SPACA7: variants seen among roughly 807,000 people sequenced by gnomAD.
SPACA7 encodes sperm acrosome-associated protein 7.
In SPACA7, 19 loss-of-function variants were observed where a neutral mutation model predicts 26.3. That is an observed-to-expected ratio of 0.72 (90% CI 0.50 to 1.06). The LOEUF is 1.06. SPACA7 is among the 50% of genes least tolerant of loss of function. The pLI is 0.00. For synonymous variants in SPACA7, 84 were observed against 84.5 expected (o/e 0.99, Z 0.04); for missense variants, 211 against 229.9 (o/e 0.92, Z 0.53).
rs779002404 is a variant in SPACA7 at position 112,398,066 on chromosome 13, G to A, written c.169G>A (p.Glu57Lys). The change falls in exon 3 of 7, where the codon GAG becomes AAG. Residue 57 changes from glutamate (E) to lysine (K), a missense_variant. Physicochemically the swap from Glu to Lys is moderately conservative, Grantham distance 56. Transcript: ENST00000283550. ...CTCCCAAGATGAAATTCTGGTCCAG[G>A]AGATTTTAGATCTGAATAAAACAAC... is the stretch of plus-strand genomic sequence containing the variant. ...SELLDEILVQ[E>K]ILDLNKTTPS... The A allele has an allele frequency of 7.4e-6, 12 of 1,613,024 alleles. No individual in the cohort carries two copies. Among genetic ancestry groups the A allele is most frequent in the African/African-American group, 1.3e-5 (1 of 74,880 alleles).
intron 5 of SPACA7, among the ~76,000 whole-genome samples, chr13:112,429,862 TAA>T (rs1439596479): frequency 6.6e-6 from 1 of 152,226 alleles, no homozygotes; most frequent in African/African-American, 2.4e-5. Context: ...TAAGTTACTT[TAA>T]AGCAGTTTGG....
intron 5 of SPACA7, among the ~76,000 whole-genome samples, chr13:112,425,237 A>G (rs1876420421): frequency 6.6e-6 from 1 of 152,218 alleles, no homozygotes; most frequent in South Asian, 2.1e-4. Flanking sequence ...ATAGAAACAG[A>G]TGTGAGTCAG....
intron 6 of SPACA7, among the ~76,000 whole-genome samples, chr13:112,434,252 C>T (rs769390929): frequency 4.6e-5 from 7 of 152,100 alleles, no homozygotes; most frequent in Non-Finnish European, 7.4e-5. Flanking sequence ...AGGGAGAACG[C>T]GGGGGAAATG....
At chr13:112,424,263 T>C (rs2139056748) in intron 5 of SPACA7, among the ~76,000 whole-genome samples, 1 of 152,342 alleles carries the variant, frequency 6.6e-6, no homozygotes, top group East Asian at 1.9e-4. Context: ...GATGCTGCGT[T>C]GGGAGCATGA....
rs200369214 is a variant in SPACA7, at chr13:112,393,070, A to C, written c.144A>C (p.Glu48Asp). 6.2e-7 allele frequency: 1 copy of C among 1,612,816 alleles called. No homozygotes were observed. The highest frequency in any genetic ancestry group is 2.2e-5 in the East Asian group (1 of 44,874). Reference sequence around the variant, plus strand: ...GTTCAAAACAGGAGGATATGTCTGAATTATTAGGTAAGGAAGCCCCTCCTA... The same window carrying C: ...GTTCAAAACAGGAGGATATGTCTGACTTATTAGGTAAGGAAGCCCCTCCTA... Reference protein sequence around the residue: ...PFSSKQEDMSELLDEILVQEI... With the variant: ...PFSSKQEDMSDLLDEILVQEI... Residue 48 changes from glutamate to aspartate, a missense_variant, in exon 2 of 7, where the codon GAA (glutamate) becomes GAC (aspartate). Transcript: ENST00000283550.
intron 1 of SPACA7, among the ~76,000 whole-genome samples, chr13:112,390,285 A>G (rs1014424701): frequency 6.6e-6 from 1 of 152,070 alleles, no homozygotes; most frequent in Non-Finnish European, 1.5e-5. Flanking sequence ...GGCCATGGCC[A>G]CTCTGTATGG....
intron 1 of SPACA7, 123 bp from the exon 2 acceptor site, chr13:112,392,898 T>A: frequency 1.5e-6 from 1 of 667,354 alleles, no homozygotes; most frequent in East Asian, 2.8e-5. Context: ...AGACTGGAAC[T>A]TGGGCAGGGC....
intron 5 of SPACA7, among the ~76,000 whole-genome samples, chr13:112,423,874 T>C (rs983655085): frequency 2.0e-5 from 3 of 152,152 alleles, no homozygotes; most frequent in African/African-American, 4.8e-5. Flanking sequence ...CAGAAAACAA[T>C]AGAAGTCAAA....
At chr13:112,384,711 A>C (rs1884418301) in intron 1 of SPACA7, among the ~76,000 whole-genome samples, 1 of 152,200 alleles carries the variant, frequency 6.6e-6, no homozygotes, top group Non-Finnish European at 1.5e-5. Flanking sequence ...GATAGAGGAC[A>C]CTTAGCTTTC....
chr13:112,411,185 T>C (rs1013398559), intron 5 of SPACA7, among the ~76,000 whole-genome samples: 6 of 151,956 alleles, frequency 3.9e-5, no homozygotes, highest in African/African-American at 1.5e-4. Context: ...AAAAAAAAAT[T>C]GGGGTATTTA....
chr13:112,381,744 CTGA>C (rs1323585711), intron 1 of SPACA7, among the ~76,000 whole-genome samples: 1 of 152,104 alleles, frequency 6.6e-6, no homozygotes, highest in Non-Finnish European at 1.5e-5. Flanking sequence ...AGAGTGCTGA[CTGA>C]TCAGGGATGA....
chr13:112,413,390 T>C (rs924520614), intron 5 of SPACA7, among the ~76,000 whole-genome samples: 7 of 149,976 alleles, frequency 4.7e-5, no homozygotes, highest in African/African-American at 1.5e-4. Flanking sequence ...CCTTTAGCAC[T>C]TTAAATATGT....
At chr13:112,404,970 A>ATTCTCTTC (rs1940073595) in intron 5 of SPACA7, among the ~76,000 whole-genome samples, 1 of 106,888 alleles carries the variant, frequency 9.4e-6, no homozygotes, top group Non-Finnish European at 1.9e-5. Context: ...GCTCCATTGT[A>ATTCTCTTC]TTCTCTTCTT....
chr13:112,402,521 G>GAT (rs1470848881), intron 5 of SPACA7, among the ~76,000 whole-genome samples: 2 of 152,118 alleles, frequency 1.3e-5, no homozygotes, highest in Admixed American at 6.5e-5. Context: ...GCATCTCATT[G>GAT]ATGTCCCTTG....
chr13:112,376,647 A>T (rs1883719061), intron 1 of SPACA7, among the ~76,000 whole-genome samples, 168 bp downstream of exon 1: 1 of 152,228 alleles, frequency 6.6e-6, no homozygotes, highest in Non-Finnish European at 1.5e-5. Context: ...GACTTTTTAA[A>T]ATCTAGATGT....
At chr13:112,389,180 T>C (rs1884719996) in intron 1 of SPACA7, among the ~76,000 whole-genome samples, 1 of 152,264 alleles carries the variant, frequency 6.6e-6, no homozygotes, top group African/African-American at 2.4e-5. Flanking sequence ...CTATAAACTA[T>C]GAACCTTCTC....
At chr13:112,428,485 C>T (rs749659466) in intron 5 of SPACA7, among the ~76,000 whole-genome samples, 16 of 152,238 alleles carry the variant, frequency 1.1e-4, no homozygotes, top group Middle Eastern at 3.4e-3. Context: ...GAGGCTGAGG[C>T]AGGAGAATCA....
At chr13:112,421,653 T>A (rs1201995313) in intron 5 of SPACA7, among the ~76,000 whole-genome samples, 1 of 152,180 alleles carries the variant, frequency 6.6e-6, no homozygotes, top group African/African-American at 2.4e-5. Flanking sequence ...TAAAGACACA[T>A]GCATGTGTCT....
intron 1 of SPACA7, among the ~76,000 whole-genome samples, chr13:112,389,894 G>C (rs1884765505): frequency 6.6e-6 from 1 of 152,230 alleles, no homozygotes; most frequent in South Asian, 2.1e-4. Context: ...CATTTGTGAA[G>C]GGGAGTTTCA....
Sources: gnomAD v4.1 joint callset for allele counts (sites outside exome capture counted in the v4.1 genomes callset) on GRCh38, gnomAD v4.1.1 for gene constraint, MANE v1.5 for transcripts, NCBI Gene and HGNC (gene_info 2026-07-23, HGNC 2026-07-21) for gene names.